Variants in PPP6R1 observed in about 807,000 individuals in gnomAD.
PPP6R1 encodes protein phosphatase 6 regulatory subunit 1.
Under a neutral mutation model 104.6 loss-of-function variants are expected in PPP6R1, and 39 were observed. The ratio of observed to expected loss-of-function variants is 0.37; its 90% CI spans 0.29 to 0.49. The LOEUF is 0.49. PPP6R1 is among the 20% of genes least tolerant of loss of function. The pLI is 0.98. For missense variants in PPP6R1, 1,181 were observed against 1,155.8 expected (o/e 1.02, Z -0.32); for synonymous variants, 549 against 479.0 (o/e 1.15, Z -1.91).
At chr19:55,251,294 G>A (rs1287072079) in intron 1 of PPP6R1, among the ~76,000 whole-genome samples, 1 of 152,292 alleles carries the variant, frequency 6.6e-6, no homozygotes, top group South Asian at 2.1e-4. Flanking sequence ...GCACCTGAGG[G>A]CAGCACCTAG....
chr19:55,247,231 T>C (rs767633094), intron 1 of PPP6R1, 122 bp from the exon 2 acceptor site: 8 of 1,051,024 alleles, frequency 7.6e-6, no homozygotes, highest in Middle Eastern at 2.0e-4. Flanking sequence ...GTCCCAGCCC[T>C]CTGCCTCATG....
At chr19:55,228,232 A>G (rs774874363), downstream of PPP6R1, 1 of 1,612,086 alleles carries the variant, frequency 6.2e-7, no homozygotes, top group East Asian at 2.2e-5. Context: ...AGCGTCCCCC[A>G]CAGCCGAGCA....
At position 55,242,875 on chromosome 19, in the gene PPP6R1, C is replaced by G. The variant is rs538605736; in HGVS notation, c.619-387G>C. On this transcript the variant is annotated intron_variant, in intron 5 of 23. Coordinates refer to ENST00000412770, the MANE Select transcript of PPP6R1 (RefSeq NM_014931.4). ...TGATACATGCAACCACATGAATGAGCCACAAAAACATCATGCTAGAGAAAG... is the reference window on the plus strand; with the variant it reads ...TGATACATGCAACCACATGAATGAGGCACAAAAACATCATGCTAGAGAAAG... 1.8e-4 allele frequency among the ~76,000 whole-genome samples: 28 copies of G among 152,254 alleles called. No homozygotes were observed. In the South Asian group the frequency reaches 5.4e-3, roughly 29 times the overall value.
In PPP6R1 at chr19:55,230,835, G is replaced by A; in HGVS notation, c.2509C>T (p.Pro837Ser). Residue 837 changes from proline to serine, a missense_variant, in exon 22 of 24, where the codon CCC (proline) becomes TCC (serine). Transcript: ENST00000412770. ...TSVPASGAHQPPQTTEGEKSP... is the reference protein window; with the variant it reads ...TSVPASGAHQSPQTTEGEKSP... The stretch of plus-strand genomic sequence containing the variant: ...TTCTCCCCTTCTGTGGTCTGGGGGG[G>A]CTGGTGGGCCCCGGAGGCTGGGACA... The A allele has an allele frequency of 6.2e-7, 1 of 1,606,872 alleles. No homozygotes were observed. The highest frequency in any genetic ancestry group is 8.5e-7 in the Non-Finnish European group (1 of 1,179,524).
In PPP6R1 at chr19:55,241,735, A is replaced by G; in HGVS notation, c.846-96T>C. On this transcript the variant is annotated intron_variant, in intron 7 of 23. Transcript: ENST00000412770. This position sits in a 1 kb window ranked among gnomAD's most constrained non-coding sequence, Gnocchi z 5.4. ...GGACCACGTCTGCAGGGTCTGGAGG[A>G]AAACGAGGAGCCACATGCCCCCAGC... 7.2e-7 allele frequency: 1 copy of G among 1,383,094 alleles called. No homozygotes were observed. The highest frequency in any genetic ancestry group is 1.5e-5 in the African/African-American group (1 of 68,200). 85.7% of individuals were successfully genotyped at this position (1,383,094 alleles called of 1,614,324 possible).
chr19:55,252,956 C>T (rs558438958), intron 1 of PPP6R1, among the ~76,000 whole-genome samples: 1 of 152,300 alleles, frequency 6.6e-6, no homozygotes, highest in South Asian at 2.1e-4. Context: ...AGGCTCAGGC[C>T]TTGCACTATG....
At chr19:55,234,344 G>C (rs1299395823) in intron 17 of PPP6R1, among the ~76,000 whole-genome samples, 2 of 152,196 alleles carry the variant, frequency 1.3e-5, no homozygotes, top group East Asian at 1.9e-4. Flanking sequence ...AGAACAGAGA[G>C]GGAAGAAACA....
rs1439099063 is a variant in PPP6R1, at chr19:55,231,997, G to T, written c.2126-15C>A. The T allele has an allele frequency of 3.7e-6, 6 of 1,605,084 alleles. No individual in the cohort carries two copies. The highest frequency in any genetic ancestry group is 2.2e-5 in the East Asian group (1 of 44,636). On this transcript the variant is annotated splice_polypyrimidine_tract_variant and intron_variant, in intron 18 of 23. Coordinates refer to ENST00000412770, the MANE Select transcript of PPP6R1 (RefSeq NM_014931.4). ...CCAGCTGGGGCCTGGGATAGAGGTGGGGGAGCGGGATGGAGGGTGAACTCA... is the reference window on the plus strand; with the variant it reads ...CCAGCTGGGGCCTGGGATAGAGGTGTGGGAGCGGGATGGAGGGTGAACTCA...
At chr19:55,236,380 T>C in intron 17 of PPP6R1, 2 of 450,546 alleles carry the variant, frequency 4.4e-6, no homozygotes, top group Non-Finnish European at 7.8e-6. Context: ...GGTCTCAAAC[T>C]CCTGAGCTCA....
At chr19:55,252,590 C>T (rs148101674) in intron 1 of PPP6R1, among the ~76,000 whole-genome samples, 3,813 of 152,108 alleles carry the variant, frequency 0.025, 174 homozygotes, top group African/African-American at 0.087. Flanking sequence ...TTAGTAAAGA[C>T]GGGGTTTCAC....
intron 17 of PPP6R1, chr19:55,232,610 T>C: frequency 5.8e-6 from 1 of 171,496 alleles, no homozygotes. Flanking sequence ...AGGCCCACCC[T>C]CTGGACAGAG....
chr19:55,242,157 A>T lies in PPP6R1; in HGVS notation c.845+9T>A. On this transcript the variant is annotated intron_variant, in intron 7 of 23. Transcript: ENST00000412770. ...GCAGCATGCATGGTCTGTGGCCCGT[A>T]TCCCTCACCTCGGCCTCCTGGGCTC... is the stretch of plus-strand genomic sequence containing the variant. 6.2e-7 allele frequency: 1 copy of T among 1,609,208 alleles called. No homozygotes were observed. Among genetic ancestry groups the T allele is most frequent in the Non-Finnish European group, 8.5e-7 (1 of 1,178,164 alleles).
At chr19:55,251,593 C>T (rs762877569) in intron 1 of PPP6R1, among the ~76,000 whole-genome samples, 3 of 152,170 alleles carry the variant, frequency 2.0e-5, no homozygotes, top group Non-Finnish European at 2.9e-5. Context: ...CAACTGTTTC[C>T]CTTCCTTGCT....
At position 55,230,162 on chromosome 19, in the gene PPP6R1, C is replaced by T. The variant is rs1030910415; in HGVS notation, c.*366G>A. 24 of 240,432 alleles carry T rather than the reference C, an allele frequency of 1.0e-4. No individual in the cohort carries two copies. In the East Asian group the frequency reaches 1.5e-3, roughly 15 times the overall value. 14.9% of individuals were successfully genotyped at this position (240,432 alleles called of 1,614,324 possible). A position where few individuals can be genotyped will look rare whatever the true frequency, so the allele number is the denominator to read the frequency against. Reference sequence around the variant, plus strand: ...CCTTGGGACCCCTAACACCAGCTCCCGCTGGGACGGAACAGGGAAGGCTGT... The same window carrying T: ...CCTTGGGACCCCTAACACCAGCTCCTGCTGGGACGGAACAGGGAAGGCTGT... On this transcript the variant is annotated 3_prime_UTR_variant, in exon 24 of 24. Transcript: ENST00000412770.
At position 55,239,911 on chromosome 19, in the gene PPP6R1, T is replaced by C. The variant is rs371276806; in HGVS notation, c.1478A>G (p.Glu493Gly). Reference sequence around the variant, plus strand: ...CTGCTCCTGCTGCTCGCTGGGCAGCTCTGCTTAGGTGAGAGGGGTGAAGAC... The same window carrying C: ...CTGCTCCTGCTGCTCGCTGGGCAGCCCTGCTTAGGTGAGAGGGGTGAAGAC... The part of the protein sequence containing the change: ...NAEQLRQLLK[E>G]LPSEQQEQWE... The change falls in exon 13 of 24, where the codon GAG becomes GGG. Residue 493 changes from glutamate (E) to glycine (G), a missense_variant and splice_region_variant. Physicochemically the swap from Glu to Gly is moderately conservative, Grantham distance 98. Transcript: ENST00000412770. 39 of 1,613,748 alleles carry C rather than the reference T, an allele frequency of 2.4e-5. No individual in the cohort carries two copies. The highest frequency in any genetic ancestry group is 8.3e-5 in the Admixed American group (5 of 60,000).
In PPP6R1 at chr19:55,245,857, C is replaced by T. The variant is rs891017043; in HGVS notation, c.228-179G>A. On this transcript the variant is annotated intron_variant, in intron 2 of 23. Transcript: ENST00000412770. The surrounding 1 kb of genome is among the most constrained non-coding windows in gnomAD (Gnocchi z 6.4). ...GCAGAAACAAGGGCCCACACCAGGCCTCCTCCACCCTGCTAACACCCAACC... is the reference window on the plus strand; with the variant it reads ...GCAGAAACAAGGGCCCACACCAGGCTTCCTCCACCCTGCTAACACCCAACC... 2.6e-5 allele frequency among the ~76,000 whole-genome samples: 4 copies of T among 152,056 alleles called. No individual in the cohort carries two copies. The highest frequency in any genetic ancestry group is 5.9e-5 in the Non-Finnish European group (4 of 68,018).
downstream of PPP6R1, chr19:55,228,225 G>A (rs762993441): frequency 5.6e-6 from 9 of 1,611,774 alleles, no homozygotes; most frequent in Admixed American, 6.7e-5. Context: ...TGAGGCAAGC[G>A]TCCCCCACAG....
At chr19:55,228,396 GGA>G (rs774108681), downstream of PPP6R1, 9 of 1,613,694 alleles carry the variant, frequency 5.6e-6, no homozygotes, top group African/African-American at 1.2e-4. Flanking sequence ...ACACGCAGCA[GGA>G]GAGGATGAAG....
chr19:55,236,129 C>T (rs1027892254), intron 17 of PPP6R1, among the ~76,000 whole-genome samples: 22 of 151,204 alleles, frequency 1.5e-4, no homozygotes, highest in Middle Eastern at 3.4e-3. Flanking sequence ...CCACTGTGCC[C>T]GGCTAATTTG....
Sources: allele counts gnomAD v4.1 joint callset (sites outside exome capture counted in the v4.1 genomes callset), GRCh38; gene constraint gnomAD v4.1.1; non-coding constraint Gnocchi (gnomAD v3.1); transcripts MANE v1.5; gene names NCBI Gene and HGNC (gene_info 2026-07-23, HGNC 2026-07-21).